LYST: variants seen among roughly 807,000 people sequenced by gnomAD.
The protein encoded by LYST is lysosomal trafficking regulator, also known as lysosomal-trafficking regulator.
In LYST, 192 loss-of-function variants were observed where a neutral mutation model predicts 413.6. The observed-to-expected ratio is 0.46, with a 90% CI of 0.41 to 0.52. The LOEUF (loss-of-function observed/expected upper bound fraction) is 0.52. Ranked by LOEUF, LYST falls within the 20% of genes least tolerant of loss-of-function variation. The probability of loss-of-function intolerance (pLI) is 0.00; values close to 1 mark genes in which losing one functional copy is unlikely to be tolerated. For synonymous variants in LYST, 1,525 were observed against 1,567.3 expected (o/e 0.97, Z 0.64); for missense variants, 3,815 against 4,499.9 (o/e 0.85, Z 4.35).
rs200984503 is a variant in LYST at position 235,801,053 on chromosome 1, T to G, written c.3757A>C (p.Ser1253Arg). 52 of 1,613,410 alleles carry G rather than the reference T, an allele frequency of 3.2e-5. No individual in the cohort carries two copies. Among genetic ancestry groups the G allele is most frequent in the Non-Finnish European group, 3.3e-5 (39 of 1,179,514 alleles). ...SETEGFSASS[S>R]PNDLLENLTQ... is the part of the protein sequence containing the mutation. Reference sequence around the variant, plus strand: ...AGGTTTTCGAGTAAGTCATTTGGACTGCTTGATGCACTGAAACCTTCTGTT... The same window carrying G: ...AGGTTTTCGAGTAAGTCATTTGGACGGCTTGATGCACTGAAACCTTCTGTT... The change falls in exon 9 of 53, where the codon AGT (serine) becomes CGT (arginine). Residue 1253 changes from serine (S) to arginine (R), a missense_variant. Ser to Arg is a moderately radical substitution (Grantham distance 110, BLOSUM62 -1). This residue lies in a region of LYST where 1,648 missense variants were observed against 1,810.3 expected (regional missense o/e 0.91). Coordinates refer to ENST00000389793, the MANE Select transcript of LYST (RefSeq NM_000081.4).
In LYST at chr1:235,716,731, C is replaced by T. The variant is rs770130104; in HGVS notation, c.9608G>A (p.Arg3203His). Residue 3203 changes from arginine (R) to histidine (H), a missense_variant, in exon 41 of 53, where the codon CGT becomes CAT. This residue lies in a region of LYST where 866 missense variants were observed against 1,156.0 expected (regional missense o/e 0.75). Transcript: ENST00000389793. Reference protein sequence around the residue: ...IAVQYKEKEDRYVDTYKYLEE... With the variant: ...IAVQYKEKEDHYVDTYKYLEE... ...AGCTACCTTGTATGTGTCCACATAACGATCTTCTTTTTCTTTATACTGAAC... is the reference window on the plus strand; with the variant it reads ...AGCTACCTTGTATGTGTCCACATAATGATCTTCTTTTTCTTTATACTGAAC... 5.0e-6 allele frequency: 8 copies of T among 1,595,660 alleles called. No homozygotes were observed. Among genetic ancestry groups the T allele is most frequent in the African/African-American group, 2.7e-5 (2 of 74,512 alleles).
rs1424352692 is a variant in LYST at position 235,752,092 on chromosome 1, A to T, written c.7540T>A (p.Ser2514Thr). ...ACCCTAAAATATTGTGAGCCTGAGG[A>T]ACTGCAAGCATGAATTGTAACTGCT... ...FIAVTIHACS[S>T]SGSQYFRVIE... The change falls in exon 27 of 53, where the codon TCC (serine) becomes ACC (threonine). Residue 2514 changes from serine to threonine, a missense_variant. Ser to Thr is a moderately conservative substitution (Grantham distance 58). Transcript: ENST00000389793. The T allele has an allele frequency of 1.9e-6, 3 of 1,610,654 alleles. No homozygotes were observed. The highest frequency in any genetic ancestry group is 2.5e-6 in the Non-Finnish European group (3 of 1,177,342).
At chr1:235,812,379 C>T (rs750400335) in intron 4 of LYST, among the ~76,000 whole-genome samples, 8 of 151,434 alleles carry the variant, frequency 5.3e-5, no homozygotes, top group Non-Finnish European at 1.0e-4. Context: ...TGGTGGTGCA[C>T]GACTGTAATC....
At chr1:235,713,387 A>G (rs1166369890) in intron 42 of LYST, among the ~76,000 whole-genome samples, 1 of 152,206 alleles carries the variant, frequency 6.6e-6, no homozygotes, top group African/African-American at 2.4e-5. Context: ...TCTGGAGCTA[A>G]GACTAAGGAA....
At chr1:235,729,162 T>C (rs1395777679) in intron 37 of LYST, among the ~76,000 whole-genome samples, 2 of 152,208 alleles carry the variant, frequency 1.3e-5, no homozygotes, top group African/African-American at 2.4e-5. Flanking sequence ...TAGGTATCTA[T>C]GGACTAACAA....
chr1:235,679,736 T>C lies in LYST; in HGVS notation c.10801-2117A>G, dbSNP rs145797805. Among the ~76,000 whole-genome samples the C allele has an allele frequency of 3.4e-4, 52 of 152,288 alleles. 1 individual carries two copies. The highest frequency in any genetic ancestry group is 1.2e-3 in the African/African-American group (51 of 41,564). On this transcript the variant is annotated intron_variant, in intron 48 of 52. Coordinates refer to ENST00000389793, the MANE Select transcript of LYST (RefSeq NM_000081.4). ...ACCAGGGAATTCCAGGGTTCTCCCATGCAACTCATTTTCATTCTGAGAGAG... is the reference window on the plus strand; with the variant it reads ...ACCAGGGAATTCCAGGGTTCTCCCACGCAACTCATTTTCATTCTGAGAGAG...
In LYST at chr1:235,662,684, T is replaced by C. The variant is rs1032419787; in HGVS notation, c.*256A>G. The C allele has an allele frequency of 2.0e-6, 1 of 501,036 alleles. No homozygotes were observed. The highest frequency in any genetic ancestry group is 3.6e-6 in the Non-Finnish European group (1 of 276,126). 31.0% of individuals were successfully genotyped at this position (501,036 alleles called of 1,614,324 possible). ...AAAAATTTTAAGAATATCATTTTAA[T>C]GTACCATGCGAGGCTTAAAACTTGT... On this transcript the variant is annotated 3_prime_UTR_variant, in exon 53 of 53. Coordinates refer to ENST00000389793, the MANE Select transcript of LYST (RefSeq NM_000081.4).
chr1:235,800,110 C>T (rs938612571), intron 10 of LYST, among the ~76,000 whole-genome samples: 56 of 151,306 alleles, frequency 3.7e-4, no homozygotes, highest in African/African-American at 1.3e-3. Context: ...ACATGCACCA[C>T]CACACCTGGC....
intron 47 of LYST, among the ~76,000 whole-genome samples, chr1:235,692,582 C>T (rs1660747320): frequency 6.6e-6 from 1 of 151,868 alleles, no homozygotes; most frequent in Admixed American, 6.5e-5. Context: ...TGGGTTTTCC[C>T]CGTGTTGGCC....
intron 34 of LYST, among the ~76,000 whole-genome samples, chr1:235,732,157 A>G (rs1664441358): frequency 6.6e-6 from 1 of 152,134 alleles, no homozygotes; most frequent in African/African-American, 2.4e-5. Context: ...CTGAAACAGT[A>G]TTATCTTTAT....
At chr1:235,825,430 A>G (rs1675219156) in intron 3 of LYST, among the ~76,000 whole-genome samples, 1 of 152,350 alleles carries the variant, frequency 6.6e-6, no homozygotes, top group East Asian at 1.9e-4. Context: ...CATTATTTAC[A>G]TACAAAATCC....
At chr1:235,800,525 A>C in intron 9 of LYST, 139 bp from the exon 10 acceptor site, 1 of 620,656 alleles carries the variant, frequency 1.6e-6, no homozygotes. Flanking sequence ...AAAGACTACT[A>C]TGTGTAGGAT....
Position 235,762,766 on chromosome 1 carries a change from T to A in LYST, c.6207A>T (p.Gly2069=), listed in dbSNP as rs1432743731. Reference sequence around the variant, plus strand: ...AACCAGATGGGCTTATTACCATAAATCCAGGGCTCATAAGGGACCTTCCTC... The same window carrying A: ...AACCAGATGGGCTTATTACCATAAAACCAGGGCTCATAAGGGACCTTCCTC... ...SSGGRSLMSP[G]FMVISPSGFT... is the part of the protein sequence containing the mutation. The change falls in exon 22 of 53, where the codon GGA becomes GGT. Residue 2069 remains glycine, a synonymous_variant. Transcript: ENST00000389793. The A allele has an allele frequency of 6.2e-7, 1 of 1,613,308 alleles. No individual in the cohort carries two copies. The highest frequency in any genetic ancestry group is 1.3e-5 in the African/African-American group (1 of 75,006).
chr1:235,720,990 A>G (rs1198706448), intron 39 of LYST, 85 bp from the exon 40 acceptor site: 2 of 1,354,750 alleles, frequency 1.5e-6, no homozygotes, highest in African/African-American at 2.9e-5. Context: ...GACATTATAG[A>G]CATGTTACAA....
chr1:235,748,664 C>T (rs918037204), intron 28 of LYST, among the ~76,000 whole-genome samples: 2 of 152,142 alleles, frequency 1.3e-5, no homozygotes, highest in African/African-American at 4.8e-5. Flanking sequence ...GGGCAGCAGG[C>T]AACTTGGAAC....
At chr1:235,853,048 T>G (rs1283278090) in intron 1 of LYST, 1 of 170,430 alleles carries the variant, frequency 5.9e-6, no homozygotes, top group African/African-American at 2.4e-5. Context: ...GAAAACTGAC[T>G]AATTACAGCT....
chr1:235,869,503 C>G (rs897472733), upstream of LYST, among the ~76,000 whole-genome samples: 1 of 152,160 alleles, frequency 6.6e-6, no homozygotes, highest in Non-Finnish European at 1.5e-5. Flanking sequence ...AAAAGCTCTA[C>G]TTACGCATGT....
chr1:235,748,879 A>G (rs754243108), intron 28 of LYST, among the ~76,000 whole-genome samples: 7 of 152,208 alleles, frequency 4.6e-5, no homozygotes, highest in Non-Finnish European at 5.9e-5. Context: ...GTGTGTGGCC[A>G]TAATGCAAGC....
In LYST at chr1:235,700,191, C is replaced by T. The variant is rs551501585; in HGVS notation, c.10374+2556G>A. Among the ~76,000 whole-genome samples the T allele has an allele frequency of 4.1e-4, 62 of 152,166 alleles. No individual in the cohort carries two copies. The Middle Eastern group carries it at 0.01, about 25-fold the overall frequency. On this transcript the variant is annotated intron_variant, in intron 45 of 52. Coordinates refer to ENST00000389793, the MANE Select transcript of LYST (RefSeq NM_000081.4). ...ATAGGCACGGGCAAAGATTTCATGA[C>T]GAAAAGGCCAAAAGCAATTGCAATA... is the stretch of plus-strand genomic sequence containing the variant.
Sources: gnomAD v4.1 joint callset for allele counts (sites outside exome capture counted in the v4.1 genomes callset) on GRCh38, gnomAD v4.1.1 for gene constraint, gnomAD v4.1.1 regional missense constraint, MANE v1.5 for transcripts, NCBI Gene and HGNC (gene_info 2026-07-23, HGNC 2026-07-21) for gene names.